Variants in NXPH2 observed in about 807,000 individuals in gnomAD.
NXPH2 encodes neurexophilin 2.
A neutral mutation model predicts 19.8 loss-of-function variants in NXPH2; 5 were observed. That is an observed-to-expected ratio of 0.25 (90% CI 0.13 to 0.53). The LOEUF is 0.53. NXPH2 is among the 20% of genes least tolerant of loss of function. The probability of loss-of-function intolerance (pLI) is 0.96; values close to 1 mark genes in which losing one functional copy is unlikely to be tolerated. For missense variants in NXPH2, 289 were observed against 322.8 expected (o/e 0.90, Z 0.80); for synonymous variants, 154 against 127.4 (o/e 1.21, Z -1.41).
At position 138,736,100 on chromosome 2, in the gene NXPH2, G is replaced by A. The variant is rs574532328; in HGVS notation, c.51+44091C>T. On this transcript the variant is annotated intron_variant, in intron 1 of 1. Transcript: ENST00000272641. Reference sequence around the variant, plus strand: ...TTGAGTGTCTGTGGCTTTTCCAGGTGCACAGTGCAAGCTGCCAGTGGATCT... The same window carrying A: ...TTGAGTGTCTGTGGCTTTTCCAGGTACACAGTGCAAGCTGCCAGTGGATCT... Among the ~76,000 whole-genome samples the A allele has an allele frequency of 5.3e-5, 8 of 152,316 alleles. No individual in the cohort carries two copies. In the South Asian group the frequency reaches 1.4e-3, roughly 28 times the overall value.
At chr2:138,766,343 G>C (rs889113811) in intron 1 of NXPH2, among the ~76,000 whole-genome samples, 2 of 152,180 alleles carry the variant, frequency 1.3e-5, no homozygotes, top group South Asian at 4.1e-4. Context: ...TTCTCGCATA[G>C]CCAGAAATCA....
chr2:138,741,636 A>T (rs1681644269), intron 1 of NXPH2, among the ~76,000 whole-genome samples: 1 of 152,224 alleles, frequency 6.6e-6, no homozygotes, highest in East Asian at 1.9e-4. Flanking sequence ...GGCAAATATT[A>T]CTAGAACAAA....
chr2:138,754,033 G>C (rs1283145289), intron 1 of NXPH2, among the ~76,000 whole-genome samples: 1 of 151,982 alleles, frequency 6.6e-6, no homozygotes, highest in Non-Finnish European at 1.5e-5. Flanking sequence ...GGATCTTGCT[G>C]TGTTGCCAGT....
intron 1 of NXPH2, among the ~76,000 whole-genome samples, chr2:138,754,760 T>A (rs1681880626): frequency 6.6e-6 from 1 of 152,182 alleles, no homozygotes; most frequent in Non-Finnish European, 1.5e-5. Flanking sequence ...TATAAGAAGC[T>A]GTCAAACTGT....
intron 1 of NXPH2, among the ~76,000 whole-genome samples, chr2:138,759,132 A>G (rs1259949328): frequency 6.6e-6 from 1 of 152,156 alleles, no homozygotes; most frequent in Admixed American, 6.5e-5. Context: ...CAATTTTTTT[A>G]ACCAATACAT....
chr2:138,747,737 G>A (rs1681763854), intron 1 of NXPH2, among the ~76,000 whole-genome samples: 1 of 152,162 alleles, frequency 6.6e-6, no homozygotes, highest in Admixed American at 6.5e-5. Flanking sequence ...GAAGGACTGG[G>A]GGAGTCCCCT....
intron 1 of NXPH2, among the ~76,000 whole-genome samples, chr2:138,672,504 C>G (rs2104963580): frequency 6.6e-6 from 1 of 152,148 alleles, no homozygotes; most frequent in East Asian, 1.9e-4. Context: ...GTGTAAGAGT[C>G]CCCATGTTTA....
At chr2:138,727,671 C>CG (rs376782777) in intron 1 of NXPH2, among the ~76,000 whole-genome samples, 1,328 of 91,714 alleles carry the variant, frequency 0.014, 13 homozygotes, top group Middle Eastern at 0.029. Context: ...GGCGGTGAGG[C>CG]GGGGGGGGTT....
intron 1 of NXPH2, among the ~76,000 whole-genome samples, chr2:138,770,988 T>A (rs1426936569): frequency 2.0e-5 from 3 of 152,092 alleles, no homozygotes; most frequent in Admixed American, 6.5e-5. Flanking sequence ...AATTTTTTTT[T>A]AAATACCAGT....
At chr2:138,749,165 G>T (rs1332429294) in intron 1 of NXPH2, among the ~76,000 whole-genome samples, 3 of 152,102 alleles carry the variant, frequency 2.0e-5, no homozygotes, top group African/African-American at 2.4e-5. Flanking sequence ...TTCTCAGGAG[G>T]TCTAATGGTT....
intron 1 of NXPH2, among the ~76,000 whole-genome samples, chr2:138,718,296 GA>G (rs1681222175): frequency 6.6e-6 from 1 of 151,736 alleles, no homozygotes; most frequent in Admixed American, 6.6e-5. Flanking sequence ...CTAAGAGAGA[GA>G]AAAAAATGGG....
intron 1 of NXPH2, among the ~76,000 whole-genome samples, chr2:138,723,017 T>C (rs564758077): frequency 1.3e-5 from 2 of 152,204 alleles, no homozygotes; most frequent in Admixed American, 6.5e-5. Flanking sequence ...ACAAAAAGGT[T>C]AAGTACCACA....
chr2:138,721,537 G>A (rs1031453375), intron 1 of NXPH2, among the ~76,000 whole-genome samples: 1 of 152,082 alleles, frequency 6.6e-6, no homozygotes, highest in African/African-American at 2.4e-5. Context: ...CAATATGGAG[G>A]ATGTACTGGA....
intron 1 of NXPH2, among the ~76,000 whole-genome samples, chr2:138,708,309 A>G (rs186322985): frequency 5.9e-5 from 9 of 152,330 alleles, no homozygotes; most frequent in Non-Finnish European, 1.3e-4. Context: ...TGAGAGAAGA[A>G]TGAGTATCAA....
At chr2:138,673,312 G>C (rs973102631) in intron 1 of NXPH2, among the ~76,000 whole-genome samples, 2 of 152,054 alleles carry the variant, frequency 1.3e-5, no homozygotes, top group African/African-American at 4.8e-5. Context: ...CATTACTCTG[G>C]ATTTCTGGCT....
chr2:138,671,423 T>C lies in NXPH2; in HGVS notation c.294A>G (p.Lys98=), dbSNP rs1304985374. ...TTCCTGTTTTTACTATTGGCCTCCGTTTAGTTCTTGCCAATGGCTCCTGAA... is the reference window on the plus strand; with the variant it reads ...TTCCTGTTTTTACTATTGGCCTCCGCTTAGTTCTTGCCAATGGCTCCTGAA... ...TEIQEPLART[K]RRPIVKTGKF... is the part of the protein sequence containing the mutation. The change falls in exon 2 of 2, where the codon AAA becomes AAG. Residue 98 remains lysine, a synonymous_variant. Transcript: ENST00000272641. 7 of 1,613,912 alleles carry C rather than the reference T, an allele frequency of 4.3e-6. No homozygotes were observed. Among genetic ancestry groups the C allele is most frequent in the Non-Finnish European group, 5.9e-6 (7 of 1,179,900 alleles).
intron 1 of NXPH2, among the ~76,000 whole-genome samples, chr2:138,677,289 T>C (rs905883991): frequency 6.6e-6 from 1 of 151,896 alleles, no homozygotes. Context: ...TAAAATGGAG[T>C]TTTACAAAGG....
chr2:138,748,513 C>T (rs1314581998), intron 1 of NXPH2, among the ~76,000 whole-genome samples: 2 of 151,920 alleles, frequency 1.3e-5, no homozygotes, highest in South Asian at 4.2e-4. Context: ...TGTGGTAGTG[C>T]CTGGAACAAT....
chr2:138,689,334 G>A (rs1401012945), intron 1 of NXPH2, among the ~76,000 whole-genome samples: 1 of 152,184 alleles, frequency 6.6e-6, no homozygotes, highest in East Asian at 1.9e-4. Flanking sequence ...TGGCCCCAGA[G>A]GAGGAGAGTG....
Sources: allele counts gnomAD v4.1 joint callset (sites outside exome capture counted in the v4.1 genomes callset), GRCh38; gene constraint gnomAD v4.1.1; transcripts MANE v1.5; gene names NCBI Gene and HGNC (gene_info 2026-07-23, HGNC 2026-07-21).